QTGAL: variants seen among roughly 807,000 people sequenced by gnomAD.
QTGAL encodes the protein BGnT-like protein 1.
the QTGAL span, among the ~76,000 whole-genome samples, chr17:83,000,273 T>G: frequency 6.6e-6 from 1 of 152,152 alleles, no homozygotes; most frequent in Non-Finnish European, 1.5e-5. Flanking sequence ...GAGATCACTT[T>G]TTTACTGTGA....
the QTGAL span, chr17:82,957,342 G>C: frequency 1.2e-6 from 2 of 1,613,640 alleles, no homozygotes; most frequent in Non-Finnish European, 1.7e-6. Context: ...AGTGTTGGAG[G>C]GTGGCAGGAT....
chr17:82,996,097 AC>A, the QTGAL span, among the ~76,000 whole-genome samples: 1 of 152,256 alleles, frequency 6.6e-6, no homozygotes. Flanking sequence ...TAAAGAAGGC[AC>A]CAAAAAAATG....
At chr17:83,040,891 C>T in the QTGAL span, among the ~76,000 whole-genome samples, 1 of 151,972 alleles carries the variant, frequency 6.6e-6, no homozygotes, top group Non-Finnish European at 1.5e-5. Context: ...CGGTGAAACC[C>T]CATCTCTACT....
the QTGAL span, among the ~76,000 whole-genome samples, chr17:82,967,853 T>C: frequency 6.6e-6 from 1 of 151,952 alleles, no homozygotes; most frequent in African/African-American, 2.4e-5. Flanking sequence ...GAGGATCCTT[T>C]GAGCTCCGGA....
chr17:82,965,386 A>G, the QTGAL span, among the ~76,000 whole-genome samples: 1 of 152,218 alleles, frequency 6.6e-6, no homozygotes, highest in Non-Finnish European at 1.5e-5. Flanking sequence ...ACCAGGATGC[A>G]GTAACCTGGA....
the QTGAL span, among the ~76,000 whole-genome samples, chr17:82,976,677 A>G: frequency 1.7e-3 from 1 of 572 alleles, no homozygotes; most frequent in Admixed American, 7.9e-3. Flanking sequence ...CCTCCCAGGG[A>G]CCAGAGGCCA....
At chr17:83,039,405 C>T in the QTGAL span, among the ~76,000 whole-genome samples, 1 of 83,690 alleles carries the variant, frequency 1.2e-5, no homozygotes, top group East Asian at 3.6e-4. Flanking sequence ...GGGCGCCCGC[C>T]GCCCGCCCCT....
the QTGAL span, chr17:83,005,148 G>C: frequency 6.2e-7 from 1 of 1,609,700 alleles, no homozygotes; most frequent in Non-Finnish European, 8.5e-7. This position sits in a 1 kb window ranked among gnomAD's most constrained non-coding sequence, Gnocchi z 5.6. Context: ...TCAGCTGGTT[G>C]ATCCAACGTG....
chr17:82,972,944 G>C, the QTGAL span, among the ~76,000 whole-genome samples: 2 of 152,238 alleles, frequency 1.3e-5, no homozygotes, highest in Middle Eastern at 3.4e-3. Context: ...ATAGGGGCCA[G>C]AAGGACCTGG....
At chr17:82,989,573 T>A in the QTGAL span, among the ~76,000 whole-genome samples, 81 of 151,732 alleles carry the variant, frequency 5.3e-4, no homozygotes, top group African/African-American at 1.8e-3. Flanking sequence ...AGAAATTTCA[T>A]CTTTCATAAA....
At chr17:82,989,633 G>A in the QTGAL span, among the ~76,000 whole-genome samples, 4 of 151,932 alleles carry the variant, frequency 2.6e-5, no homozygotes, top group Non-Finnish European at 4.4e-5. Context: ...AAGTTTCAAC[G>A]TTTTTACGGA....
At chr17:83,020,882 C>CAG in the QTGAL span, among the ~76,000 whole-genome samples, 3 of 152,018 alleles carry the variant, frequency 2.0e-5, no homozygotes, top group Admixed American at 1.3e-4. Flanking sequence ...TTGGGGAAGA[C>CAG]AGAGAGAGAG....
chr17:83,015,383 C>T, the QTGAL span, among the ~76,000 whole-genome samples: 1 of 152,266 alleles, frequency 6.6e-6, no homozygotes, highest in Non-Finnish European at 1.5e-5. This position sits in a 1 kb window ranked among gnomAD's most constrained non-coding sequence, Gnocchi z 4.4. Flanking sequence ...CTCACGGCAG[C>T]TCATTCAAAT....
the QTGAL span, chr17:82,961,452 C>T: frequency 2.1e-6 from 1 of 479,872 alleles, no homozygotes; most frequent in Non-Finnish European, 3.8e-6. Context: ...CAGTAAAGGT[C>T]TCAGGGCAAA....
chr17:83,043,947 A>T, the QTGAL span, among the ~76,000 whole-genome samples: 1 of 148,392 alleles, frequency 6.7e-6, no homozygotes, highest in Non-Finnish European at 1.5e-5. Flanking sequence ...AAGAAGAAAT[A>T]AAAAAAATCT....
At chr17:82,958,530 C>T in the QTGAL span, among the ~76,000 whole-genome samples, 7 of 152,268 alleles carry the variant, frequency 4.6e-5, no homozygotes, top group East Asian at 3.9e-4. Context: ...CTCCGCCTCC[C>T]GGGATAAACT....
the QTGAL span, chr17:82,957,427 T>A: frequency 1.2e-6 from 2 of 1,612,658 alleles, no homozygotes; most frequent in South Asian, 2.2e-5. Context: ...TTCCAGATGG[T>A]GAAGGCCGCC....
the QTGAL span, among the ~76,000 whole-genome samples, chr17:83,018,092 G>A: frequency 1.2e-4 from 9 of 77,658 alleles, no homozygotes; most frequent in South Asian, 5.2e-4. Context: ...AACACCGTGC[G>A]CCTGTATCAG....
At chr17:82,972,590 C>A in the QTGAL span, among the ~76,000 whole-genome samples, 1 of 118,810 alleles carries the variant, frequency 8.4e-6, no homozygotes, top group South Asian at 3.0e-4. Flanking sequence ...ACACCACGGG[C>A]CAGAAGGACC....
Sources: gnomAD v4.1 joint callset for allele counts (sites outside exome capture counted in the v4.1 genomes callset) on GRCh38, gnomAD v4.1.1 for gene constraint, Gnocchi (gnomAD v3.1) non-coding constraint, MANE v1.5 for transcripts, NCBI Gene and HGNC (gene_info 2026-07-23, HGNC 2026-07-21) for gene names.